CCDC13: variants seen among roughly 807,000 people sequenced by gnomAD.
CCDC13 encodes coiled-coil domain-containing protein 13.
CCDC13 carries 70 observed loss-of-function variants against 87.3 expected under a neutral mutation model. That is an observed-to-expected ratio of 0.80 (90% confidence interval 0.66 to 0.98). CCDC13 has a LOEUF of 0.98. Ranked by LOEUF, CCDC13 falls within the 50% of genes least tolerant of loss-of-function variation. The probability of loss-of-function intolerance (pLI) is 0.00; values close to 1 mark genes in which losing one functional copy is unlikely to be tolerated. For missense variants in CCDC13, 842 were observed against 892.0 expected (o/e 0.94, Z 0.71); for synonymous variants, 317 against 360.3 (o/e 0.88, Z 1.36).
Position 42,757,057 on chromosome 3 carries a change from T to C in CCDC13, c.370+9A>G, listed in dbSNP as rs186554887. Reference sequence around the variant, plus strand: ...AGGGCAAGGACTATCACAACAATGGTGGAGCTACCTGTGAAGGCAAATCTG... The same window carrying C: ...AGGGCAAGGACTATCACAACAATGGCGGAGCTACCTGTGAAGGCAAATCTG... On this transcript the variant is annotated intron_variant, in intron 3 of 15. Transcript: ENST00000310232. 5.0e-6 allele frequency: 8 copies of C among 1,612,646 alleles called. No homozygotes were observed. Among genetic ancestry groups the C allele is most frequent in the Non-Finnish European group, 5.9e-6 (7 of 1,179,086 alleles).
intron 7 of CCDC13, among the ~76,000 whole-genome samples, chr3:42,744,305 C>T (rs558716893): frequency 6.6e-6 from 1 of 152,238 alleles, no homozygotes; most frequent in African/African-American, 2.4e-5. Flanking sequence ...CAGACAACTC[C>T]TAGGGTCCTT....
At chr3:42,760,294 AAATAAAT>A (rs1559662317) in intron 1 of CCDC13, among the ~76,000 whole-genome samples, 448 of 31,526 alleles carry the variant, frequency 0.014, 1 homozygote, top group African/African-American at 0.028. Flanking sequence ...TCTTGTCTCT[AAATAAAT>A]AAATAAATAA....
chr3:42,734,204 C>T (rs1386502370), intron 10 of CCDC13, among the ~76,000 whole-genome samples: 1 of 152,210 alleles, frequency 6.6e-6, no homozygotes, highest in Non-Finnish European at 1.5e-5. Flanking sequence ...AGTGGACAAC[C>T]GGTGTAAGCC....
chr3:42,765,967 G>T (rs1699923559), intron 1 of CCDC13, among the ~76,000 whole-genome samples: 1 of 152,338 alleles, frequency 6.6e-6, no homozygotes, highest in Non-Finnish European at 1.5e-5. Flanking sequence ...TTTGCCTTCT[G>T]CAGAGCTGGA....
chr3:42,722,090 G>A (rs188959822), intron 13 of CCDC13, among the ~76,000 whole-genome samples: 7 of 152,282 alleles, frequency 4.6e-5, no homozygotes, highest in Admixed American at 3.9e-4. Context: ...TCTTTGTATA[G>A]GAATGCAGGA....
chr3:42,756,376 C>T (rs1484565461), intron 3 of CCDC13, among the ~76,000 whole-genome samples: 1 of 152,184 alleles, frequency 6.6e-6, no homozygotes, highest in Non-Finnish European at 1.5e-5. Context: ...CATTCCCAGA[C>T]CTGCAAAGCC....
At chr3:42,728,322 G>A (rs1698738017) in intron 13 of CCDC13, among the ~76,000 whole-genome samples, 1 of 152,108 alleles carries the variant, frequency 6.6e-6, no homozygotes, top group South Asian at 2.1e-4. Context: ...GGGTGGGGGA[G>A]GGCAACTGAG....
At chr3:42,772,497 T>C (rs1700148734) in intron 1 of CCDC13, among the ~76,000 whole-genome samples, 1 of 152,066 alleles carries the variant, frequency 6.6e-6, no homozygotes, top group African/African-American at 2.4e-5. Context: ...GCCACTTTTT[T>C]CATTGTTTTT....
intron 13 of CCDC13, among the ~76,000 whole-genome samples, chr3:42,720,628 G>C (rs1698538610): frequency 6.6e-6 from 1 of 152,210 alleles, no homozygotes. Context: ...AGAAGTCATG[G>C]GAATGTGGAT....
At chr3:42,766,608 G>A (rs199761162) in intron 1 of CCDC13, among the ~76,000 whole-genome samples, 418 of 137,508 alleles carry the variant, frequency 3.0e-3, no homozygotes, top group Non-Finnish European at 3.4e-3. Context: ...CTGTCTCAAA[G>A]AAAAAAAAAA....
At chr3:42,764,006 G>C (rs575199804) in intron 1 of CCDC13, among the ~76,000 whole-genome samples, 31 of 152,144 alleles carry the variant, frequency 2.0e-4, no homozygotes, top group Admixed American at 3.3e-4. Flanking sequence ...AGGTTGGGAG[G>C]GGGGAGCTTC....
chr3:42,733,489 C>T lies in CCDC13; in HGVS notation c.1492G>A (p.Gly498Ser), dbSNP rs1698896581. The change falls in exon 11 of 16, where the codon GGC becomes AGC. Residue 498 changes from glycine (G) to serine (S), a missense_variant. Coordinates refer to ENST00000310232, the MANE Select transcript of CCDC13 (RefSeq NM_144719.4). Reference protein sequence around the residue: ...KSPASAGDHVGRLGSSRSVTS... With the variant: ...KSPASAGDHVSRLGSSRSVTS... ...TCTTACCGAGAAGATCCAAGCCTGC[C>T]AACATGATCGCCTGCTGAGGCCGGG... The T allele has an allele frequency of 6.2e-7, 1 of 1,614,028 alleles. No homozygotes were observed. The highest frequency in any genetic ancestry group is 1.3e-5 in the African/African-American group (1 of 74,918).
Position 42,742,986 on chromosome 3 carries a change from A to G in CCDC13, c.897T>C (p.Ser299=). 1 of 1,614,178 alleles carries G rather than the reference A, an allele frequency of 6.2e-7. No individual in the cohort carries two copies. The highest frequency in any genetic ancestry group is 8.5e-7 in the Non-Finnish European group (1 of 1,180,022). ...QSAGTASDEL[S]VYPDPRKLSA... is the part of the protein sequence containing the mutation. ...ACAGCTTCCTTGGGTCTGGATAGAC[A>G]GACAACTCATCACTGGCTGTTCCCG... is the stretch of plus-strand genomic sequence containing the variant. The change falls in exon 8 of 16, where the codon TCT becomes TCC. Residue 299 remains serine, a synonymous_variant. Coordinates refer to ENST00000310232, the MANE Select transcript of CCDC13 (RefSeq NM_144719.4).
intron 1 of CCDC13, among the ~76,000 whole-genome samples, chr3:42,759,236 G>T (rs1699776029): frequency 6.6e-6 from 1 of 151,596 alleles, no homozygotes; most frequent in Admixed American, 6.6e-5. Flanking sequence ...TTGAGCCCAG[G>T]AAGTGGAGGC....
At chr3:42,704,682 C>A, downstream of CCDC13, 1 of 152,452 alleles carries the variant, frequency 6.6e-6, no homozygotes. Flanking sequence ...AGGGAAGTCC[C>A]ATGGATCTGT....
intron 1 of CCDC13, among the ~76,000 whole-genome samples, chr3:42,769,334 A>T (rs1700003953): frequency 6.6e-6 from 1 of 152,256 alleles, no homozygotes; most frequent in Non-Finnish European, 1.5e-5. Flanking sequence ...ACAACATCAA[A>T]TGATGGCAAG....
rs933592856 is a variant in CCDC13 at position 42,731,215 on chromosome 3, A to G, written c.1596-626T>C. On this transcript the variant is annotated intron_variant, in intron 12 of 15. Coordinates refer to ENST00000310232, the MANE Select transcript of CCDC13 (RefSeq NM_144719.4). ...CCAAGCTGCTCTCCGCTGTGCCCCC[A>G]CTTTTCCCAGTGAGACCCTGAGCTT... is the stretch of plus-strand genomic sequence containing the variant. Among the ~76,000 whole-genome samples the G allele has an allele frequency of 1.3e-4, 20 of 150,082 alleles. 1 individual carries two copies. Among genetic ancestry groups the G allele is most frequent in the African/African-American group, 4.2e-4 (17 of 40,828 alleles).
chr3:42,745,891 T>A, intron 7 of CCDC13, 32 bp downstream of exon 7: 1 of 1,557,060 alleles, frequency 6.4e-7, no homozygotes, highest in Non-Finnish European at 8.9e-7. Context: ...AATCCTTTGT[T>A]CAGGCCAGGA....
chr3:42,716,253 A>C (rs1408461909), intron 13 of CCDC13, among the ~76,000 whole-genome samples: 2 of 152,208 alleles, frequency 1.3e-5, no homozygotes, highest in African/African-American at 2.4e-5. Context: ...AAAAAAAAAA[A>C]ATCAGGTCAA....
Sources: allele counts gnomAD v4.1 joint callset (sites outside exome capture counted in the v4.1 genomes callset), GRCh38; gene constraint gnomAD v4.1.1; transcripts MANE v1.5; gene names NCBI Gene and HGNC (gene_info 2026-07-23, HGNC 2026-07-21).